Variants in LIN7A observed in about 807,000 individuals in gnomAD.
The protein encoded by LIN7A is protein lin-7 homolog A.
In LIN7A, 25 loss-of-function variants were observed where a neutral mutation model predicts 29.8. That is an observed-to-expected ratio of 0.84 (90% CI 0.61 to 1.17). The LOEUF is 1.17. LIN7A is among the 50% of genes most tolerant of loss of function. The pLI is 0.00. For synonymous variants in LIN7A, 118 were observed against 107.5 expected (o/e 1.10, Z -0.60); for missense variants, 239 against 287.0 (o/e 0.83, Z 1.21).
intron 1 of LIN7A, among the ~76,000 whole-genome samples, chr12:80,926,092 C>T (rs997261042): frequency 1.9e-4 from 29 of 152,194 alleles, no homozygotes; most frequent in African/African-American, 6.8e-4. Flanking sequence ...CTTCCAGAAT[C>T]TCATGGTGTA....
intron 2 of LIN7A, among the ~76,000 whole-genome samples, chr12:80,858,965 G>A (rs1250682176): frequency 6.6e-6 from 1 of 152,146 alleles, no homozygotes; most frequent in African/African-American, 2.4e-5. Context: ...TCAAATGAAT[G>A]CTGAGGAAAA....
intron 1 of LIN7A, among the ~76,000 whole-genome samples, chr12:80,911,524 A>G (rs1276525757): frequency 6.6e-6 from 1 of 152,166 alleles, no homozygotes; most frequent in African/African-American, 2.4e-5. Flanking sequence ...GCACCTTAAT[A>G]TTTGACCAAA....
At chr12:80,937,242 C>T (rs941092331) in intron 1 of LIN7A, 22 of 183,516 alleles carry the variant, frequency 1.2e-4, no homozygotes, top group African/African-American at 5.1e-4. Context: ...GCGGCTCCCT[C>T]GCCGGTCTCC....
At chr12:80,829,709 T>C (rs1163057411) in intron 4 of LIN7A, among the ~76,000 whole-genome samples, 1 of 152,208 alleles carries the variant, frequency 6.6e-6, no homozygotes, top group Admixed American at 6.5e-5. Flanking sequence ...GAGTTGGCTT[T>C]GTCTTTCTTC....
intron 2 of LIN7A, among the ~76,000 whole-genome samples, chr12:80,849,818 A>G (rs556095685): frequency 2.6e-5 from 4 of 152,258 alleles, no homozygotes; most frequent in African/African-American, 9.6e-5. Context: ...CAAATTTAAT[A>G]TGATGATAAA....
intron 4 of LIN7A, among the ~76,000 whole-genome samples, chr12:80,813,167 C>T (rs867159061): frequency 1.2e-3 from 187 of 152,106 alleles, no homozygotes; most frequent in Non-Finnish European, 5.6e-4. Context: ...CCTGCCACCA[C>T]GCCCAGCTAA....
At chr12:80,853,850 C>T (rs2121549591) in intron 2 of LIN7A, among the ~76,000 whole-genome samples, 1 of 152,214 alleles carries the variant, frequency 6.6e-6, no homozygotes, top group Middle Eastern at 3.4e-3. Flanking sequence ...CACCACCATG[C>T]CCAGCTAATT....
chr12:80,917,342 T>C (rs567555235), intron 1 of LIN7A, among the ~76,000 whole-genome samples: 20 of 152,170 alleles, frequency 1.3e-4, no homozygotes, highest in Admixed American at 2.6e-4. Context: ...ACTGAAGATT[T>C]GAATGCAAAG....
intron 1 of LIN7A, among the ~76,000 whole-genome samples, chr12:80,893,686 T>C (rs1317053370): frequency 6.6e-6 from 1 of 152,194 alleles, no homozygotes; most frequent in African/African-American, 2.4e-5. Flanking sequence ...TTGTAGCTAG[T>C]GGGCATGCCT....
At chr12:80,876,565 G>T (rs960511049) in intron 2 of LIN7A, among the ~76,000 whole-genome samples, 6 of 152,036 alleles carry the variant, frequency 3.9e-5, no homozygotes, top group African/African-American at 1.4e-4. Context: ...AAAAGCCCAA[G>T]TTAGTAGAAA....
intron 1 of LIN7A, among the ~76,000 whole-genome samples, chr12:80,905,898 G>C (rs1202218238): frequency 6.6e-6 from 1 of 150,666 alleles, no homozygotes; most frequent in Non-Finnish European, 1.5e-5. Context: ...TATTTTCTTG[G>C]TTGTCTCTGG....
intron 1 of LIN7A, among the ~76,000 whole-genome samples, chr12:80,902,254 T>A (rs987956553): frequency 6.6e-6 from 1 of 151,700 alleles, no homozygotes; most frequent in Non-Finnish European, 1.5e-5. Flanking sequence ...CAAAATGTTT[T>A]GTTTAATGTG....
intron 5 of LIN7A, among the ~76,000 whole-genome samples, chr12:80,807,063 G>GTTTTGTTTTTTT (rs1871026879): frequency 1.9e-5 from 1 of 53,592 alleles, no homozygotes; most frequent in African/African-American, 8.7e-5. Context: ...TGAAGATGGA[G>GTTTTGTTTTTTT]TTTTTTTTTT....
intron 4 of LIN7A, chr12:80,845,425 C>A (rs1873026137): frequency 3.9e-6 from 1 of 253,342 alleles, no homozygotes. Context: ...TAAAAAGTAT[C>A]TTGAAATTAC....
At chr12:80,923,754 C>A (rs1877436452) in intron 1 of LIN7A, among the ~76,000 whole-genome samples, 1 of 152,180 alleles carries the variant, frequency 6.6e-6, no homozygotes, top group Admixed American at 6.5e-5. Flanking sequence ...CTATTACTGA[C>A]CTATGCACTT....
chr12:80,883,485 T>A (rs928605187), intron 2 of LIN7A, among the ~76,000 whole-genome samples: 1 of 152,218 alleles, frequency 6.6e-6, no homozygotes, highest in African/African-American at 2.4e-5. Flanking sequence ...TGAATATAAA[T>A]ATACCAGTCT....
chr12:80,856,205 A>G (rs188795256), intron 2 of LIN7A, among the ~76,000 whole-genome samples: 7 of 152,202 alleles, frequency 4.6e-5, no homozygotes, highest in African/African-American at 1.7e-4. Context: ...AAAATCCAAG[A>G]AGGATAGAAT....
chr12:80,866,292 A>T (rs1287241958), intron 2 of LIN7A, among the ~76,000 whole-genome samples: 1 of 152,250 alleles, frequency 6.6e-6, no homozygotes, highest in African/African-American at 2.4e-5. Flanking sequence ...TAGGTACTTG[A>T]TTACATTTGA....
chr12:80,841,395 GGAAGGAAGGAA>G (rs1872811595), intron 4 of LIN7A, among the ~76,000 whole-genome samples: 1 of 144,786 alleles, frequency 6.9e-6, no homozygotes, highest in African/African-American at 2.6e-5. Context: ...AAGGAAGGAA[GGAAGGAAGGAA>G]GGAGGGAAAG....
Sources: gnomAD v4.1 joint callset for allele counts (sites outside exome capture counted in the v4.1 genomes callset) on GRCh38, gnomAD v4.1.1 for gene constraint, MANE v1.5 for transcripts, NCBI Gene and HGNC (gene_info 2026-07-23, HGNC 2026-07-21) for gene names.